Variants in RBBP8NL observed in about 807,000 individuals in gnomAD.
RBBP8NL encodes the protein RBBP8 N-terminal like, also known as RBBP8 N-terminal-like protein.
In RBBP8NL, 59 loss-of-function variants were observed where a neutral mutation model predicts 62.2. The observed-to-expected ratio is 0.95, with a 90% CI of 0.77 to 1.18. The LOEUF (loss-of-function observed/expected upper bound fraction) is 1.18. Among genes scored for constraint, RBBP8NL ranks in the 50% most tolerant of loss-of-function variants. RBBP8NL has a pLI of 0.00. For synonymous variants in RBBP8NL, 412 were observed against 394.1 expected, an observed-to-expected ratio of 1.05 and a Z score of -0.54; for missense variants, 896 against 899.5, an observed-to-expected ratio of 1.00 and a Z score of 0.05.
chr20:62,417,937 A>G (rs6587227), intron 3 of RBBP8NL, among the ~76,000 whole-genome samples: 255 of 40,910 alleles, frequency 6.2e-3, no homozygotes, highest in African/African-American at 0.017. Flanking sequence ...ACGCCCCCCC[A>G]GTCATCTGCA....
At chr20:62,418,208 C>T (rs915270394) in intron 3 of RBBP8NL, among the ~76,000 whole-genome samples, 8 of 152,194 alleles carry the variant, frequency 5.3e-5, no homozygotes, top group East Asian at 1.9e-4. Flanking sequence ...GGGCTTGCCC[C>T]GCCCCTGGGA....
chr20:62,418,591 C>A, intron 2 of RBBP8NL, 126 bp from the exon 3 acceptor site: 1 of 966,898 alleles, frequency 1.0e-6, no homozygotes, highest in Non-Finnish European at 1.6e-6. Flanking sequence ...CTGGGGGAGC[C>A]CTGCCAGGTG....
chr20:62,416,947 A>C, intron 4 of RBBP8NL, 75 bp from the exon 5 acceptor site: 1 of 1,175,452 alleles, frequency 8.5e-7, no homozygotes, highest in South Asian at 1.4e-5. Context: ...TCACTGCCCC[A>C]CTGCTGGGAA....
intron 1 of RBBP8NL, among the ~76,000 whole-genome samples, chr20:62,423,478 G>T (rs765477318): frequency 1.3e-5 from 2 of 152,190 alleles, no homozygotes; most frequent in South Asian, 4.1e-4. Flanking sequence ...GGGCCAGGAG[G>T]GGGCGGAGCT....
rs111749537 is a variant in RBBP8NL at position 62,414,606 on chromosome 20, G to A, written c.795-50C>T. ...ACCATGGCTGTGTGGAGCCGTGACC[G>A]TCCCAGCGAGCCCTGAGAGGGAGAG... is the stretch of plus-strand genomic sequence containing the variant. On this transcript the variant is annotated intron_variant, in intron 9 of 13. Transcript: ENST00000252998. 8.8e-5 allele frequency: 122 copies of A among 1,381,222 alleles called. No individual in the cohort carries two copies. In the East Asian group the frequency reaches 1.2e-3, roughly 14 times the overall value. 85.6% of individuals were successfully genotyped at this position (1,381,222 alleles called of 1,614,324 possible). A position where few individuals can be genotyped will look rare whatever the true frequency, so the allele number is the denominator to read the frequency against.
chr20:62,413,031 C>T (rs977030441), intron 11 of RBBP8NL, 131 bp from the exon 12 acceptor site: 2 of 1,043,738 alleles, frequency 1.9e-6, no homozygotes, highest in Non-Finnish European at 2.8e-6. Context: ...AGTGACCTGC[C>T]CCAGGGCACT....
At chr20:62,412,583 C>T (rs747583252) in intron 13 of RBBP8NL, 41 bp downstream of exon 13, 5 of 1,591,780 alleles carry the variant, frequency 3.1e-6, no homozygotes, top group East Asian at 2.2e-5. Flanking sequence ...GCTGTGGCTC[C>T]CCTCGCCCCC....
At chr20:62,417,129 G>T in intron 4 of RBBP8NL, 95 bp downstream of exon 4, 1 of 950,798 alleles carries the variant, frequency 1.1e-6, no homozygotes. Context: ...TTATCCTGGA[G>T]TTTCCCAAAC....
At chr20:62,414,911 C>A (rs1988527171) in intron 9 of RBBP8NL, among the ~76,000 whole-genome samples, 1 of 152,252 alleles carries the variant, frequency 6.6e-6, no homozygotes, top group Admixed American at 6.5e-5. Context: ...TGTTCTCAGA[C>A]AATGTCCACA....
At chr20:62,418,316 C>T (rs1988626340) in intron 3 of RBBP8NL, 107 bp downstream of exon 3, 1 of 1,105,154 alleles carries the variant, frequency 9.0e-7, no homozygotes, top group African/African-American at 1.5e-5. Flanking sequence ...GCCTCAGTTT[C>T]CCTTCTGCAC....
intron 1 of RBBP8NL, among the ~76,000 whole-genome samples, chr20:62,425,963 T>C (rs1311715669): frequency 1.4e-5 from 2 of 144,952 alleles, no homozygotes; most frequent in Non-Finnish European, 3.1e-5. Context: ...GGGAGTGGCA[T>C]AGCAGTGGCA....
chr20:62,418,650 C>T (rs533410544), intron 2 of RBBP8NL, among the ~76,000 whole-genome samples, 185 bp from the exon 3 acceptor site: 2 of 152,284 alleles, frequency 1.3e-5, no homozygotes, highest in Non-Finnish European at 2.9e-5. Context: ...TCGGTGGTCT[C>T]GGCCTAGCAT....
At chr20:62,412,538 G>C (rs895470031) in intron 13 of RBBP8NL, 86 bp downstream of exon 13, 7 of 1,513,552 alleles carry the variant, frequency 4.6e-6, no homozygotes, top group East Asian at 2.3e-5. Flanking sequence ...TCTCCAGGCA[G>C]CCAGGAGGAG....
intron 3 of RBBP8NL, 120 bp from the exon 4 acceptor site, chr20:62,417,439 C>T (rs1174906779): frequency 3.3e-5 from 23 of 702,258 alleles, no homozygotes; most frequent in Non-Finnish European, 4.4e-5. Context: ...CTGGGGGCAA[C>T]GCCTAACCCG....
intron 13 of RBBP8NL, 37 bp downstream of exon 13, chr20:62,412,587 C>A (rs761546359): frequency 6.3e-6 from 10 of 1,593,268 alleles, no homozygotes; most frequent in Non-Finnish European, 8.5e-6. Flanking sequence ...TGGCTCCCCT[C>A]GCCCCCTTCC....
chr20:62,415,810 C>T lies in RBBP8NL; in HGVS notation c.522G>A (p.Gln174=). ...GGHEEAEEDH[Q]GVGLRGEEKP... is the part of the protein sequence containing the mutation. ...CACCTTCTCCCCGTAGGCCCACGCC[C>T]TGGTGGTCTTCCTCAGCCTCCTCGT... Residue 174 remains glutamine (Q), a synonymous_variant, in exon 7 of 14, where the codon CAG becomes CAA. Transcript: ENST00000252998. 1 of 1,612,526 alleles carries T rather than the reference C, an allele frequency of 6.2e-7. No individual in the cohort carries two copies. Among genetic ancestry groups the T allele is most frequent in the Non-Finnish European group, 8.5e-7 (1 of 1,179,908 alleles).
intron 3 of RBBP8NL, among the ~76,000 whole-genome samples, chr20:62,417,898 TC>T (rs879645017): frequency 0.12 from 5,899 of 50,880 alleles, 1,609 homozygotes; most frequent in South Asian, 0.3. Flanking sequence ...ATCTGCACGC[TC>T]CTCTGTGACG....
intron 8 of RBBP8NL, 123 bp from the exon 9 acceptor site, chr20:62,415,410 A>T (rs1988539619): frequency 7.3e-7 from 1 of 1,371,760 alleles, no homozygotes; most frequent in African/African-American, 1.4e-5. Context: ...GCTGAGCTGC[A>T]CCCCCACCCA....
Position 62,415,588 on chromosome 20 carries a change from G to T in RBBP8NL, c.617C>A (p.Ala206Asp), listed in dbSNP as rs1988543369. ...SPGATLPESR[A>D]PDMSPQRISN... ...GGTCCCTGCCCTTACCATGTCTGGG[G>T]CTCGCGACTCAGGCAGGGTGGCCCC... The change falls in exon 8 of 14, where the codon GCC becomes GAC. Residue 206 changes from alanine (A) to aspartate (D), a missense_variant. By Grantham distance (126) the Ala-to-Asp change is moderately radical. Transcript: ENST00000252998. 6.2e-7 allele frequency: 1 copy of T among 1,612,788 alleles called. No individual in the cohort carries two copies. Among genetic ancestry groups the T allele is most frequent in the Non-Finnish European group, 8.5e-7 (1 of 1,179,894 alleles).
Sources: allele counts gnomAD v4.1 joint callset (sites outside exome capture counted in the v4.1 genomes callset), GRCh38; gene constraint gnomAD v4.1.1; transcripts MANE v1.5; gene names NCBI Gene and HGNC (gene_info 2026-07-23, HGNC 2026-07-21).